PGBD5: variants seen among roughly 807,000 people sequenced by gnomAD.
The protein encoded by PGBD5 is piggyBac transposable element-derived protein 5.
A neutral mutation model predicts 47.9 loss-of-function variants in PGBD5; 14 were observed. That is an observed-to-expected ratio of 0.29 (90% CI 0.19 to 0.46). The LOEUF (loss-of-function observed/expected upper bound fraction) is 0.46, where lower values mean the gene tolerates loss of function less well. Ranked by LOEUF, PGBD5 falls within the 20% of genes least tolerant of loss-of-function variation. PGBD5 has a pLI of 1.00. For synonymous variants in PGBD5, 316 were observed against 306.3 expected, an observed-to-expected ratio of 1.03 and a Z score of -0.33; for missense variants, 635 against 716.0, an observed-to-expected ratio of 0.89 and a Z score of 1.29.
chr1:230,377,662 T>G (rs1384827261), intron 1 of PGBD5: 4 of 1,458,826 alleles, frequency 2.7e-6, no homozygotes, highest in Non-Finnish European at 3.6e-6. Context: ...AGGTACATAA[T>G]CCCACACAGC....
chr1:230,362,233 G>A lies in PGBD5; in HGVS notation c.332-4912C>T, dbSNP rs888543659. On this transcript the variant is annotated intron_variant, in intron 1 of 6. Transcript: ENST00000391860. The stretch of plus-strand genomic sequence containing the variant: ...GATGGCTGTTCCCCAAATCAGGTGA[G>A]ACCTGGCTGGGATTTAGCTTCCTCT... The A allele has an allele frequency of 7.4e-6, 10 of 1,356,296 alleles. No individual in the cohort carries two copies. In the South Asian group the frequency reaches 8.1e-5, roughly 11 times the overall value. The allele number at this position is 1,356,296 out of a possible 1,614,324, so 84.0% of individuals were successfully genotyped here.
chr1:230,332,804 C>T (rs943526849), intron 5 of PGBD5, 40 bp downstream of exon 5: 3 of 1,610,876 alleles, frequency 1.9e-6, no homozygotes, highest in Non-Finnish European at 1.7e-6. Flanking sequence ...TCAACCAATC[C>T]CCGCGCGCCC....
chr1:230,393,535 A>C (rs753185074), intron 1 of PGBD5, among the ~76,000 whole-genome samples: 1 of 152,148 alleles, frequency 6.6e-6, no homozygotes, highest in African/African-American at 2.4e-5. Context: ...CCTCAGAAGG[A>C]GCTCAGAAAA....
chr1:230,336,736 A>G (rs1437387204), intron 4 of PGBD5, among the ~76,000 whole-genome samples: 1 of 152,168 alleles, frequency 6.6e-6, no homozygotes, highest in Non-Finnish European at 1.5e-5. Context: ...GGGCCACATT[A>G]TAGATGATGG....
rs1666908558 is a variant in PGBD5, at chr1:230,314,539, T to C, written c.*8886A>G. The C allele has an allele frequency of 6.6e-6, 1 of 151,076 alleles. No homozygotes were observed. The highest frequency in any genetic ancestry group is 1.5e-5 in the Non-Finnish European group (1 of 67,890). 9.4% of individuals were successfully genotyped at this position (151,076 alleles called of 1,614,324 possible). A position where few individuals can be genotyped will look rare whatever the true frequency, so the allele number is the denominator to read the frequency against. On this transcript the variant is annotated 3_prime_UTR_variant, in exon 7 of 7. Transcript: ENST00000391860. ...AGGCAGTGACTGTAAACAAACTTGG[T>C]TGAAGAAATAAGAACCACATGACAA...
chr1:230,387,863 A>G (rs12746891), intron 1 of PGBD5, among the ~76,000 whole-genome samples: 54,638 of 152,088 alleles, frequency 0.36, 10,710 homozygotes, highest in Non-Finnish European at 0.45. Context: ...ATCACATGGT[A>G]AAGAACATTT....
intron 1 of PGBD5, among the ~76,000 whole-genome samples, chr1:230,393,880 T>C (rs1373904549): frequency 6.6e-6 from 1 of 151,206 alleles, no homozygotes; most frequent in Non-Finnish European, 1.5e-5. Context: ...ACAGCCTGAT[T>C]AGAAACATGT....
intron 5 of PGBD5, 104 bp from the exon 6 acceptor site, chr1:230,325,519 A>C: frequency 5.2e-6 from 4 of 764,638 alleles, no homozygotes; most frequent in Non-Finnish European, 6.7e-6. Context: ...CAACTTAATA[A>C]TGAGCAGAGG....
chr1:230,409,702 T>C (rs2102748820), intron 1 of PGBD5, among the ~76,000 whole-genome samples: 1 of 152,288 alleles, frequency 6.6e-6, no homozygotes, highest in Non-Finnish European at 1.5e-5. Flanking sequence ...AAAGTTTCTT[T>C]ATGGGGTGAT....
rs1666958719 is a variant in PGBD5, at chr1:230,316,772, CTG to C, written c.*6651_*6652del. 1 of 152,138 alleles carries C rather than the reference CTG, an allele frequency of 6.6e-6. No homozygotes were observed. Among genetic ancestry groups the C allele is most frequent in the East Asian group, 1.9e-4 (1 of 5,158 alleles). 9.4% of individuals were successfully genotyped at this position (152,138 alleles called of 1,614,324 possible). ...AGAAAACAGAAGCAAGCATAAGACACTGTGGAAATGAAAGGAATAAACTTATT... is the reference window on the plus strand; with the variant it reads ...AGAAAACAGAAGCAAGCATAAGACACTGGAAATGAAAGGAATAAACTTATT... On this transcript the variant is annotated 3_prime_UTR_variant, in exon 7 of 7. Transcript: ENST00000391860.
At chr1:230,333,319 C>T (rs574742602) in intron 4 of PGBD5, among the ~76,000 whole-genome samples, 4 of 152,250 alleles carry the variant, frequency 2.6e-5, no homozygotes, top group Admixed American at 1.3e-4. Context: ...AGCAATGGAT[C>T]GGCAGCAGCA....
intron 1 of PGBD5, among the ~76,000 whole-genome samples, chr1:230,415,236 G>A (rs557215154): frequency 6.6e-6 from 1 of 151,160 alleles, no homozygotes; most frequent in East Asian, 2.0e-4. Context: ...GATCACACCA[G>A]TACACTCCAG....
At chr1:230,378,451 C>A (rs2102723953) in intron 1 of PGBD5, among the ~76,000 whole-genome samples, 1 of 152,338 alleles carries the variant, frequency 6.6e-6, no homozygotes, top group African/African-American at 2.4e-5. Flanking sequence ...AGCCACATTG[C>A]TAGTTCATAT....
chr1:230,382,474 G>A (rs1247792037), intron 1 of PGBD5, among the ~76,000 whole-genome samples: 1 of 152,210 alleles, frequency 6.6e-6, no homozygotes, highest in Non-Finnish European at 1.5e-5. Flanking sequence ...ATGGGCAAGG[G>A]AAGCTCTGGC....
rs1054585323 is a variant in PGBD5, at chr1:230,368,236, A to AT, written c.332-10916dup. 78 of 1,257,184 alleles carry AT rather than the reference A, an allele frequency of 6.2e-5. No individual in the cohort carries two copies. In the African/African-American group the frequency reaches 8.9e-4, roughly 14 times the overall value. The allele number at this position is 1,257,184 out of a possible 1,614,324, so 77.9% of individuals were successfully genotyped here. On this transcript the variant is annotated intron_variant, in intron 1 of 6. Coordinates refer to ENST00000391860, the MANE Select transcript of PGBD5 (RefSeq NM_001258311.2). ...CCACTGAAATATACATGGACTTGGG[A>AT]TTTTTTCCATGCCTAAAATAAATTC...
rs1657541758 is a variant in PGBD5, at chr1:230,417,338, TCAA to T, written c.331+8257_331+8259del. 3.3e-5 allele frequency among the ~76,000 whole-genome samples: 5 copies of T among 152,344 alleles called. No individual in the cohort carries two copies. The South Asian group carries it at 1.0e-3, about 32-fold the overall frequency. On this transcript the variant is annotated intron_variant, in intron 1 of 6. Transcript: ENST00000391860. ...GGATTCTGCCCTAAGTACTCATTTC[TCAA>T]CATGCTTGGCAAATCCCCCTCCCTG...
intron 3 of PGBD5, among the ~76,000 whole-genome samples, chr1:230,345,127 T>TCTC (rs1392850598): frequency 6.6e-6 from 1 of 152,236 alleles, no homozygotes; most frequent in Admixed American, 6.5e-5. Context: ...ACCTTTTTTT[T>TCTC]CTCCTCCAAA....
Position 230,317,206 on chromosome 1 carries a change from G to A in PGBD5, c.*6219C>T, listed in dbSNP as rs1316808714. The A allele has an allele frequency of 1.3e-5, 2 of 152,256 alleles. No homozygotes were observed. Among genetic ancestry groups the A allele is most frequent in the African/African-American group, 2.4e-5 (1 of 41,466 alleles). The allele number at this position is 152,256 out of a possible 1,614,324, so 9.4% of individuals were successfully genotyped here. On this transcript the variant is annotated 3_prime_UTR_variant, in exon 7 of 7. Coordinates refer to ENST00000391860, the MANE Select transcript of PGBD5 (RefSeq NM_001258311.2). ...TGGCACCCTCAAGGGCACAGACCAC[G>A]TTGGGGTAACACGTGCCCAGTTCTT...
chr1:230,370,623 G>A (rs1667914456), intron 1 of PGBD5, among the ~76,000 whole-genome samples: 1 of 152,168 alleles, frequency 6.6e-6, no homozygotes, highest in Non-Finnish European at 1.5e-5. Flanking sequence ...GTTAAGGGAT[G>A]TGCCTTAACT....
Sources: gnomAD v4.1 joint callset for allele counts (sites outside exome capture counted in the v4.1 genomes callset) on GRCh38, gnomAD v4.1.1 for gene constraint, MANE v1.5 for transcripts, NCBI Gene and HGNC (gene_info 2026-07-23, HGNC 2026-07-21) for gene names.